The following CES4A variants were observed in gnomAD, a reference collection of about 807,000 sequenced individuals.
The protein encoded by CES4A is carboxylesterase 4A, also known as carboxylesterase 6.
A neutral mutation model predicts 65.4 loss-of-function variants in CES4A; 48 were observed. That is an observed-to-expected ratio of 0.73 (90% CI 0.58 to 0.93). CES4A has a LOEUF of 0.93. Among genes scored for constraint, CES4A ranks in the 40% least tolerant of loss-of-function variants. The pLI is 0.00. For synonymous variants in CES4A, 247 were observed against 281.8 expected (o/e 0.88, Z 1.24); for missense variants, 685 against 728.5 (o/e 0.94, Z 0.69).
intron 13 of CES4A, 189 bp downstream of exon 13, chr16:67,007,006 T>C (rs1965818116): frequency 1.4e-5 from 8 of 586,794 alleles, no homozygotes; most frequent in Non-Finnish European, 2.1e-5. Context: ...GAATGTGTCC[T>C]TCTTGATCCA....
At chr16:66,995,593 T>C (rs758035761) in intron 1 of CES4A, 35 bp from the exon 2 acceptor site, 2 of 1,584,090 alleles carry the variant, frequency 1.3e-6, no homozygotes, top group Non-Finnish European at 1.7e-6. Flanking sequence ...GCTGGGTGAC[T>C]GAGCAGAGGT....
chr16:67,000,647 G>C lies in CES4A; in HGVS notation c.270G>C (p.Gln90His). ...TACCTGGTGCCCGCAGGTGCCTGCA[G>C]GAGTCCTGGGGCCAGCTGGCCTCGA... The change falls in exon 3 of 14, where the codon CAG becomes CAC. Residue 90 changes from glutamine to histidine, a missense_variant. Physicochemically the swap from Gln to His is conservative, Grantham distance 24. Transcript: ENST00000648724. The surrounding 1 kb of genome is among the most constrained non-coding windows in gnomAD (Gnocchi z 4.2). 6.5e-7 allele frequency: 1 copy of C among 1,547,696 alleles called. No individual in the cohort carries two copies. The highest frequency in any genetic ancestry group is 8.7e-7 in the Non-Finnish European group (1 of 1,145,702).
At chr16:66,995,598 A>G (rs771234444) in intron 1 of CES4A, 30 bp from the exon 2 acceptor site, 5 of 1,596,854 alleles carry the variant, frequency 3.1e-6, no homozygotes. Context: ...GTGACTGAGC[A>G]GAGGTGACCC....
At chr16:67,010,181 T>G (rs966353942), downstream of CES4A, among the ~76,000 whole-genome samples, 1 of 150,130 alleles carries the variant, frequency 6.7e-6, no homozygotes, top group Non-Finnish European at 1.5e-5. Flanking sequence ...TTCTCCTGCC[T>G]CAGCCTCCCA....
At chr16:67,005,606 G>A (rs2145659871) in intron 11 of CES4A, 1 of 506,604 alleles carries the variant, frequency 2.0e-6, no homozygotes, top group East Asian at 3.7e-5. Context: ...CAGCACTTTG[G>A]GAAGCCGAAG....
At chr16:66,992,535 G>T (rs78906797) in intron 1 of CES4A, among the ~76,000 whole-genome samples, 2,799 of 152,236 alleles carry the variant, frequency 0.018, 74 homozygotes, top group South Asian at 0.074. Flanking sequence ...ACATATTTTT[G>T]CAATGATCCT....
In CES4A at chr16:67,000,341, A is replaced by G. The variant is rs1034167411; in HGVS notation, c.261-297A>G. ...GAGGGGAGGGTGGGGCATGAAAGAC[A>G]GGGAGGTGCCCAGGGCAGGCAGGTT... On this transcript the variant is annotated intron_variant, in intron 2 of 13. Coordinates refer to ENST00000648724, the Ensembl canonical transcript of CES4A. This position sits in a 1 kb window ranked among gnomAD's most constrained non-coding sequence, Gnocchi z 4.2. Among the ~76,000 whole-genome samples the G allele has an allele frequency of 9.2e-5, 14 of 152,014 alleles. No individual in the cohort carries two copies. Among genetic ancestry groups the G allele is most frequent in the African/African-American group, 3.4e-4 (14 of 41,414 alleles).
exon 9 of CES4A, chr16:67,004,146 C>G: frequency 6.2e-7 from 1 of 1,614,136 alleles, no homozygotes; most frequent in Non-Finnish European, 8.5e-7. Flanking sequence ...CTTTGGTGCT[C>G]CTGACCCAGG....
chr16:67,000,881 G>T lies in CES4A; in HGVS notation c.427G>T (p.Ala143Ser), dbSNP rs189006246. ...GGTGATGGTCTGGTTCCCGGGAGGC[G>T]CCTTCATCGTGGGCGCTGCTTCTTC... Residue 143 changes from alanine (A) to serine (S), a missense_variant, in exon 4 of 14, where the codon GCC becomes TCC. By Grantham distance (99) the Ala-to-Ser change is moderately conservative (BLOSUM62 1). Transcript: ENST00000648724. This position sits in a 1 kb window ranked among gnomAD's most constrained non-coding sequence, Gnocchi z 4.2. 425 of 1,606,712 alleles carry T rather than the reference G, an allele frequency of 2.6e-4. No individual in the cohort carries two copies. The African/African-American group carries it at 5.2e-3, about 20-fold the overall frequency.
intron 2 of CES4A, among the ~76,000 whole-genome samples, chr16:66,997,328 C>T (rs1964934946): frequency 6.6e-6 from 1 of 152,114 alleles, no homozygotes; most frequent in Non-Finnish European, 1.5e-5. Flanking sequence ...TGACCATGAG[C>T]TGTCAAAACA....
rs1965239041 is a variant in CES4A at position 67,000,761 on chromosome 16, C to T, written c.384C>T (p.Pro128=). The stretch of plus-strand genomic sequence containing the variant: ...ACGTGTACGCGCCGGCGCGCGCGCC[C>T]GGGGATCCCCAGCTGCCAGTGAGTG... Residue 128 remains proline, a synonymous_variant, in exon 3 of 14, where the codon CCC becomes CCT. Transcript: ENST00000648724. This position sits in a 1 kb window ranked among gnomAD's most constrained non-coding sequence, Gnocchi z 4.2. 1 of 1,549,080 alleles carries T rather than the reference C, an allele frequency of 6.5e-7. No homozygotes were observed. Among genetic ancestry groups the T allele is most frequent in the African/African-American group, 1.4e-5 (1 of 72,918 alleles).
rs1161813601 is a variant in CES4A at position 67,001,984 on chromosome 16, C to T, written c.690+523C>T. 6.6e-6 allele frequency among the ~76,000 whole-genome samples: 1 copy of T among 152,238 alleles called. No individual in the cohort carries two copies. Among genetic ancestry groups the T allele is most frequent in the African/African-American group, 2.4e-5 (1 of 41,470 alleles). ...ATTGCTGGCCACAGTCATAATAATACTCAACAGCTGAGCACTTCCTGTGTG... is the reference window on the plus strand; with the variant it reads ...ATTGCTGGCCACAGTCATAATAATATTCAACAGCTGAGCACTTCCTGTGTG... On this transcript the variant is annotated intron_variant, in intron 5 of 13. Coordinates refer to ENST00000648724, the Ensembl canonical transcript of CES4A. The surrounding 1 kb of genome is among the most constrained non-coding windows in gnomAD (Gnocchi z 4.1).
At chr16:66,994,999 A>G (rs1281838277) in intron 1 of CES4A, among the ~76,000 whole-genome samples, 1 of 151,378 alleles carries the variant, frequency 6.6e-6, no homozygotes, top group Non-Finnish European at 1.5e-5. Context: ...GAAAGACCCC[A>G]TCTAAATAAA....
At position 67,008,901 on chromosome 16, in the gene CES4A, C is replaced by T. The variant is rs557968003; in HGVS notation, c.1518-73C>T. 262 of 1,486,380 alleles carry T rather than the reference C, an allele frequency of 1.8e-4. No homozygotes were observed. The South Asian group carries it at 3.0e-3, about 17-fold the overall frequency. 92.1% of individuals were successfully genotyped at this position (1,486,380 alleles called of 1,614,324 possible). A position where few individuals can be genotyped will look rare whatever the true frequency, so the allele number is the denominator to read the frequency against. The stretch of plus-strand genomic sequence containing the variant: ...CCCCAAGTCCCAAGGGCAAATTAAA[C>T]GAGGGAAGGGTGAAAGAAAGAAGCA... On this transcript the variant is annotated intron_variant, in intron 13 of 13. Transcript: ENST00000648724.
rs893392218 is a variant in CES4A at position 67,003,579 on chromosome 16, G to T, written c.939+26G>T. On this transcript the variant is annotated intron_variant, in intron 8 of 13. Transcript: ENST00000648724. This position sits in a 1 kb window ranked among gnomAD's most constrained non-coding sequence, Gnocchi z 4.2. ...GTAAACAGGCCACATTCTGCAATTT[G>T]AGTATTTATTTAACACCTACTTTGT... The T allele has an allele frequency of 2.5e-6, 4 of 1,597,798 alleles. No homozygotes were observed. The Admixed American group carries it at 6.7e-5, about 27-fold the overall frequency.
intron 13 of CES4A, 22 bp from the exon 14 acceptor site, chr16:67,008,950 CCT>C: frequency 6.2e-7 from 1 of 1,604,818 alleles, no homozygotes; most frequent in Non-Finnish European, 8.5e-7. Flanking sequence ...CACAGGTAAT[CCT>C]CTCTTTTTTA....
chr16:66,989,356 TTA>T (rs202172443), intron 1 of CES4A, among the ~76,000 whole-genome samples: 9 of 149,472 alleles, frequency 6.0e-5, no homozygotes, highest in Non-Finnish European at 4.5e-5. Flanking sequence ...ATACTAATTA[TTA>T]TATATATATA....
intron 1 of CES4A, among the ~76,000 whole-genome samples, chr16:66,990,985 C>T (rs1487951531): frequency 2.6e-5 from 4 of 151,912 alleles, no homozygotes; most frequent in African/African-American, 9.7e-5. Context: ...TGAGTGAAGG[C>T]ATGTGAACTT....
chr16:66,989,940 T>C (rs970516081), intron 1 of CES4A, among the ~76,000 whole-genome samples: 1 of 151,892 alleles, frequency 6.6e-6, no homozygotes. Context: ...CTGACCTCTA[T>C]CATAAATAAA....
Sources: allele counts gnomAD v4.1 joint callset (sites outside exome capture counted in the v4.1 genomes callset), GRCh38; gene constraint gnomAD v4.1.1; non-coding constraint Gnocchi (gnomAD v3.1); transcripts MANE v1.5; gene names NCBI Gene and HGNC (gene_info 2026-07-23, HGNC 2026-07-21).